Variants in SGCD observed in about 807,000 individuals in gnomAD.
The protein encoded by SGCD is sarcoglycan delta, also known as delta-sarcoglycan.
Under a neutral mutation model 36.6 loss-of-function variants are expected in SGCD, and 18 were observed. That is an observed-to-expected ratio of 0.49 (90% CI 0.34 to 0.73). The LOEUF is 0.73. SGCD is among the 30% of genes least tolerant of loss of function. The probability of loss-of-function intolerance (pLI) is 0.01; values close to 1 mark genes in which losing one functional copy is unlikely to be tolerated. For missense variants in SGCD, 387 were observed against 346.7 expected, an observed-to-expected ratio of 1.12 and a Z score of -0.92; for synonymous variants, 133 against 130.6, an observed-to-expected ratio of 1.02 and a Z score of -0.12.
chr5:156,168,339 A>G (rs7733123), intron 3 of SGCD, among the ~76,000 whole-genome samples: 48,845 of 151,618 alleles, frequency 0.32, 8,706 homozygotes, highest in East Asian at 0.59. Context: ...TGTCACCACT[A>G]TTTTACCAAC....
chr5:156,368,114 G>A (rs190046423), intron 3 of SGCD, among the ~76,000 whole-genome samples: 4 of 149,784 alleles, frequency 2.7e-5, no homozygotes, highest in Admixed American at 6.6e-5. Context: ...TTTTCGAGAC[G>A]AAATCTCACT....
At chr5:156,079,863 A>G (rs758585925) in intron 1 of SGCD, among the ~76,000 whole-genome samples, 1 of 152,216 alleles carries the variant, frequency 6.6e-6, no homozygotes, top group Admixed American at 6.5e-5. Context: ...ATTTTGGAAT[A>G]TGGAGGACCG....
intron 6 of SGCD, among the ~76,000 whole-genome samples, chr5:156,622,482 T>TG (rs1561821034): frequency 3.0e-5 from 4 of 134,346 alleles, no homozygotes; most frequent in African/African-American, 1.1e-4. Flanking sequence ...AATAATAATT[T>TG]AGGGAAGGAA....
At chr5:155,903,634 C>A (rs1007465085) in intron 1 of SGCD, among the ~76,000 whole-genome samples, 1 of 152,168 alleles carries the variant, frequency 6.6e-6, no homozygotes, top group Non-Finnish European at 1.5e-5. Flanking sequence ...ATTAAAAATA[C>A]ACCTCTTCTT....
At chr5:156,690,604 G>T (rs6890150) in intron 7 of SGCD, among the ~76,000 whole-genome samples, 6,216 of 152,086 alleles carry the variant, frequency 0.041, 261 homozygotes, top group African/African-American at 0.11. Context: ...GAGAGTTGAT[G>T]CCATAATAAT....
At chr5:155,905,729 G>T (rs1054393285) in intron 1 of SGCD, among the ~76,000 whole-genome samples, 2 of 152,038 alleles carry the variant, frequency 1.3e-5, no homozygotes, top group Non-Finnish European at 2.9e-5. Flanking sequence ...TATTATTCTC[G>T]TGATAGTTAA....
intron 1 of SGCD, among the ~76,000 whole-genome samples, chr5:155,880,305 T>C (rs1398167849): frequency 6.6e-6 from 1 of 152,166 alleles, no homozygotes; most frequent in African/African-American, 2.4e-5. Flanking sequence ...GTATCTCAAG[T>C]TTCTGATGAT....
intron 3 of SGCD, among the ~76,000 whole-genome samples, chr5:156,470,390 T>C (rs1052163696): frequency 2.5e-4 from 38 of 152,240 alleles, no homozygotes; most frequent in African/African-American, 7.9e-4. Context: ...ATGTGCACAA[T>C]GTGCAGTTTA....
At chr5:156,254,081 T>G (rs1364081403) in intron 3 of SGCD, among the ~76,000 whole-genome samples, 1 of 152,210 alleles carries the variant, frequency 6.6e-6, no homozygotes, top group Non-Finnish European at 1.5e-5. Context: ...TCTTTTCATT[T>G]CTTTCATTTC....
the SGCD span, among the ~76,000 whole-genome samples, chr5:155,754,793 C>G: frequency 1.3e-5 from 2 of 152,246 alleles, no homozygotes; most frequent in African/African-American, 4.8e-5. Context: ...TTTCATAGGG[C>G]TTAATTTTAT....
chr5:156,201,195 GA>G (rs985062125), intron 3 of SGCD, among the ~76,000 whole-genome samples: 26 of 152,220 alleles, frequency 1.7e-4, no homozygotes, highest in Non-Finnish European at 1.3e-4. Context: ...TAACGCTACT[GA>G]ACTGTGTACA....
At chr5:156,609,140 C>T (rs1296221852) in intron 6 of SGCD, among the ~76,000 whole-genome samples, 6 of 151,848 alleles carry the variant, frequency 4.0e-5, no homozygotes, top group South Asian at 2.1e-4. Context: ...TTCCTAGTCT[C>T]GATGGTCCTT....
At chr5:156,412,135 G>A (rs1261830505) in intron 3 of SGCD, among the ~76,000 whole-genome samples, 1 of 152,162 alleles carries the variant, frequency 6.6e-6, no homozygotes, top group Non-Finnish European at 1.5e-5. Context: ...TTTAAACTGG[G>A]TAACTGAATG....
chr5:156,124,649 C>A (rs74750800), intron 3 of SGCD, among the ~76,000 whole-genome samples: 3,057 of 151,954 alleles, frequency 0.02, 45 homozygotes, highest in Non-Finnish European at 0.034. Flanking sequence ...AAAACATGTA[C>A]ATATAAATAT....
intron 3 of SGCD, among the ~76,000 whole-genome samples, chr5:156,361,478 A>T (rs370915360): frequency 6.6e-6 from 1 of 152,208 alleles, no homozygotes; most frequent in Non-Finnish European, 1.5e-5. Flanking sequence ...TGTGTTGAAA[A>T]GTTGTAATAA....
At chr5:155,825,411 G>A in the SGCD span, among the ~76,000 whole-genome samples, 2 of 152,166 alleles carry the variant, frequency 1.3e-5, no homozygotes, top group African/African-American at 2.4e-5. Flanking sequence ...GGCCCTCTGC[G>A]TTATATCATC....
At chr5:156,616,722 G>T (rs527541291) in intron 6 of SGCD, among the ~76,000 whole-genome samples, 58 of 152,250 alleles carry the variant, frequency 3.8e-4, no homozygotes, top group African/African-American at 1.3e-3. Flanking sequence ...TATCAAAGAG[G>T]TCTTCCCTGA....
chr5:156,486,901 G>A (rs1326612140), intron 3 of SGCD, among the ~76,000 whole-genome samples: 1 of 152,086 alleles, frequency 6.6e-6, no homozygotes, highest in Non-Finnish European at 1.5e-5. Context: ...GCCCCTCAGG[G>A]TTCCAAGAAT....
At chr5:156,356,548 G>A (rs1352189705) in intron 3 of SGCD, among the ~76,000 whole-genome samples, 1 of 152,214 alleles carries the variant, frequency 6.6e-6, no homozygotes, top group East Asian at 1.9e-4. Context: ...CTACTCTGCT[G>A]TAGGCAGACA....
Sources: allele counts gnomAD v4.1 joint callset (sites outside exome capture counted in the v4.1 genomes callset), GRCh38; gene constraint gnomAD v4.1.1; transcripts MANE v1.5; gene names NCBI Gene and HGNC (gene_info 2026-07-23, HGNC 2026-07-21).